The following PCM1 variants were observed in gnomAD, a reference collection of about 807,000 sequenced individuals.
PCM1 encodes the protein pericentriolar material 1, also known as pericentriolar material 1 protein.
A neutral mutation model predicts 241.9 loss-of-function variants in PCM1; 157 were observed. The observed-to-expected ratio is 0.65, with a 90% CI of 0.57 to 0.74. PCM1 has a LOEUF of 0.74. PCM1 is among the 30% of genes least tolerant of loss of function. The pLI is 0.00. For synonymous variants in PCM1, 1,085 were observed against 784.9 expected (o/e 1.38, Z -6.39); for missense variants, 3,478 against 2,360.1 (o/e 1.47, Z -9.81).
In PCM1 at chr8:17,986,074, C is replaced by G; in HGVS notation, c.4397C>G (p.Ala1466Gly). 6.3e-7 allele frequency: 1 copy of G among 1,580,984 alleles called. No homozygotes were observed. The highest frequency in any genetic ancestry group is 8.6e-7 in the Non-Finnish European group (1 of 1,163,854). ...GAACTTACTCCTAGTGAGAGCCTTGCTACTACTGATGATGTAAGCTGATAA... is the reference window on the plus strand; with the variant it reads ...GAACTTACTCCTAGTGAGAGCCTTGGTACTACTGATGATGTAAGCTGATAA... ...NSELTPSESL[A>G]TTDDETFEKN... Residue 1466 changes from alanine (A) to glycine (G), a missense_variant, in exon 26 of 39, where the codon GCT becomes GGT. Ala to Gly is a moderately conservative substitution (Grantham distance 60, BLOSUM62 0). Transcript: ENST00000325083.
chr8:17,960,955 T>A (rs1173962279), intron 15 of PCM1, among the ~76,000 whole-genome samples: 1 of 152,178 alleles, frequency 6.6e-6, no homozygotes, highest in Non-Finnish European at 1.5e-5. Context: ...TTATTTTCAT[T>A]CTTACTGGGC....
Position 18,014,653 on chromosome 8 carries a change from G to C in PCM1, c.5654G>C (p.Ser1885Thr). The change falls in exon 36 of 39, where the codon AGT (serine) becomes ACT (threonine). Residue 1885 changes from serine to threonine, a missense_variant. Transcript: ENST00000325083. ...NILEDEQPLNSAAHKESPPTV... is the reference protein window; with the variant it reads ...NILEDEQPLNTAAHKESPPTV... ...TTGGAAGATGAGCAACCTTTAAATA[G>C]TGCTGCCCATAAGGAGTCACCTCCT... The C allele has an allele frequency of 2.5e-6, 4 of 1,613,510 alleles. No homozygotes were observed. Among genetic ancestry groups the C allele is most frequent in the East Asian group, 2.2e-5 (1 of 44,816 alleles).
intron 21 of PCM1, 48 bp downstream of exon 21, chr8:17,967,218 G>A (rs1175068738): frequency 7.3e-7 from 1 of 1,373,548 alleles, no homozygotes; most frequent in Non-Finnish European, 1.0e-6. Context: ...AAAGTGTTTG[G>A]AACAACGTAA....
At chr8:17,950,178 A>G (rs2065481082) in intron 7 of PCM1, among the ~76,000 whole-genome samples, 1 of 152,198 alleles carries the variant, frequency 6.6e-6, no homozygotes, top group Non-Finnish European at 1.5e-5. Context: ...TAACATATTT[A>G]CTATTTCAAC....
At chr8:17,991,801 C>G in intron 28 of PCM1, 101 bp downstream of exon 28, 1 of 818,104 alleles carries the variant, frequency 1.2e-6, no homozygotes, top group Non-Finnish European at 2.0e-6. Context: ...GTGCACCCAT[C>G]GCCTGAGCAG....
At chr8:18,004,400 G>A (rs972165826) in intron 29 of PCM1, among the ~76,000 whole-genome samples, 9 of 152,128 alleles carry the variant, frequency 5.9e-5, no homozygotes, top group Admixed American at 1.3e-4. Flanking sequence ...AGCGCTACTA[G>A]CATATCTAGA....
At chr8:18,011,177 C>G (rs2092445037) in intron 32 of PCM1, 60 bp from the exon 33 acceptor site, 5 of 1,215,886 alleles carry the variant, frequency 4.1e-6, no homozygotes, top group Middle Eastern at 2.0e-4. Context: ...GATAGACTTA[C>G]TATATACCTT....
chr8:17,980,454 T>C, intron 23 of PCM1, 137 bp from the exon 24 acceptor site: 2 of 581,076 alleles, frequency 3.4e-6, no homozygotes, highest in Non-Finnish European at 5.8e-6. Flanking sequence ...ACATATTTAC[T>C]GTTTTGTATT....
chr8:18,003,132 C>A (rs1417096161), intron 29 of PCM1, among the ~76,000 whole-genome samples: 1 of 152,176 alleles, frequency 6.6e-6, no homozygotes, highest in Non-Finnish European at 1.5e-5. Flanking sequence ...TAATATTTGT[C>A]TGCCTCTCCA....
chr8:17,936,939 G>A (rs572447333), intron 3 of PCM1, among the ~76,000 whole-genome samples, 195 bp from the exon 4 acceptor site: 1 of 152,198 alleles, frequency 6.6e-6, no homozygotes, highest in South Asian at 2.1e-4. Flanking sequence ...CAGAAGGATG[G>A]GCTATAAAAT....
At chr8:17,951,596 A>T (rs1462027533) in intron 8 of PCM1, among the ~76,000 whole-genome samples, 1 of 152,218 alleles carries the variant, frequency 6.6e-6, no homozygotes, top group Non-Finnish European at 1.5e-5. Flanking sequence ...GCCATTGCTA[A>T]TGAATACAAA....
At chr8:17,963,012 T>C in intron 16 of PCM1, 89 bp from the exon 17 acceptor site, 2 of 847,576 alleles carry the variant, frequency 2.4e-6, no homozygotes, top group Non-Finnish European at 3.7e-6. Context: ...GAAACCTTTG[T>C]TGATACTGAC....
intron 26 of PCM1, 21 bp downstream of exon 26, chr8:17,986,108 G>T: frequency 6.8e-7 from 1 of 1,477,134 alleles, no homozygotes; most frequent in South Asian, 1.5e-5. Flanking sequence ...AATGATTAGT[G>T]AATTGTAGAT....
intron 2 of PCM1, among the ~76,000 whole-genome samples, chr8:17,929,322 C>G (rs147447785): frequency 4.6e-5 from 7 of 152,238 alleles, no homozygotes; most frequent in African/African-American, 1.7e-4. Context: ...TTAGCGTGTC[C>G]TTTTCCTCTG....
chr8:18,004,685 C>T (rs1236196186), intron 29 of PCM1, among the ~76,000 whole-genome samples: 1 of 152,204 alleles, frequency 6.6e-6, no homozygotes. Flanking sequence ...GGCAGCATTA[C>T]ACCCAGTCAC....
At position 17,989,866 on chromosome 8, in the gene PCM1, T is replaced by C. The variant is rs899685816; in HGVS notation, c.4418T>C (p.Phe1473Ser). The change falls in exon 27 of 39, where the codon TTT becomes TCT. Residue 1473 changes from phenylalanine (F) to serine (S), a missense_variant. Transcript: ENST00000325083. ...TGTTTTACTGTAACTTAGGAAACTT[T>C]TGAGAAGAACTTTGAAAGAGAAACC... ...ESLATTDDET[F>S]EKNFERETHK... 1.2e-5 allele frequency: 18 copies of C among 1,538,442 alleles called. No homozygotes were observed. The highest frequency in any genetic ancestry group is 2.0e-5 in the Admixed American group (1 of 50,454).
At chr8:17,942,406 G>T (rs2062382018) in intron 6 of PCM1, among the ~76,000 whole-genome samples, 1 of 151,788 alleles carries the variant, frequency 6.6e-6, no homozygotes, top group Non-Finnish European at 1.5e-5. Context: ...GGTGTAGGTT[G>T]CCGTGAGCCA....
At chr8:17,923,330 C>T (rs1163688936) in intron 1 of PCM1, 142 bp downstream of exon 1, 1 of 152,406 alleles carries the variant, frequency 6.6e-6, no homozygotes, top group Non-Finnish European at 1.5e-5. Flanking sequence ...GTCTTCCTGC[C>T]CCGGGCTTCC....
At chr8:17,971,498 G>A (rs1365453483) in intron 22 of PCM1, among the ~76,000 whole-genome samples, 4 of 152,128 alleles carry the variant, frequency 2.6e-5, no homozygotes, top group African/African-American at 9.7e-5. Flanking sequence ...AAATATTAAG[G>A]GATGCTAGTG....
Sources: gnomAD v4.1 joint callset for allele counts (sites outside exome capture counted in the v4.1 genomes callset) on GRCh38, gnomAD v4.1.1 for gene constraint, MANE v1.5 for transcripts, NCBI Gene and HGNC (gene_info 2026-07-23, HGNC 2026-07-21) for gene names.